Variants in PARP15 observed in about 807,000 individuals in gnomAD.
The protein encoded by PARP15 is poly(ADP-ribose) polymerase family member 15.
In PARP15, 50 loss-of-function variants were observed where a neutral mutation model predicts 62.1. The ratio of observed to expected loss-of-function variants is 0.81; its 90% CI spans 0.64 to 1.02. The LOEUF (loss-of-function observed/expected upper bound fraction) is 1.02. Among genes scored for constraint, PARP15 ranks in the 50% least tolerant of loss-of-function variants. The pLI, the probability that PARP15 is intolerant of heterozygous loss-of-function variation, is 0.00. For missense variants in PARP15, 820 were observed against 826.5 expected (o/e 0.99, Z 0.10); for synonymous variants, 309 against 293.1 (o/e 1.05, Z -0.55).
chr3:122,618,717 GTGAGATGAGGAGCTAGGC>G (rs1309741418), intron 6 of PARP15, among the ~76,000 whole-genome samples: 1 of 152,156 alleles, frequency 6.6e-6, no homozygotes, highest in African/African-American at 2.4e-5. Context: ...CCAGGCATAG[GTGAGATGAGGAGCTAGGC>G]TGAAAACTGT....
In PARP15 at chr3:122,615,861, T is replaced by A. The variant is rs758660167; in HGVS notation, c.850+4T>A. The A allele has an allele frequency of 6.2e-7, 1 of 1,609,338 alleles. No individual in the cohort carries two copies. Among genetic ancestry groups the A allele is most frequent in the South Asian group, 1.1e-5 (1 of 90,640 alleles). ...CCCATGGCAGGAGATACCCAAGGTC[T>A]GGTAAAGTCGTTCTGCTAAGGAAAT... On this transcript the variant is annotated splice_donor_region_variant and intron_variant, in intron 5 of 11. Transcript: ENST00000464300.
intron 1 of PARP15, among the ~76,000 whole-genome samples, chr3:122,599,893 G>A (rs916061772): frequency 2.0e-5 from 3 of 152,178 alleles, no homozygotes; most frequent in African/African-American, 7.2e-5. Flanking sequence ...CATTCAGAAA[G>A]TATCTATCTC....
intron 1 of PARP15, among the ~76,000 whole-genome samples, chr3:122,579,992 A>T (rs2080763936): frequency 3.8e-5 from 1 of 26,134 alleles, no homozygotes; most frequent in Non-Finnish European, 8.6e-5. Context: ...AACAACAGCA[A>T]CTATATGTAT....
At chr3:122,579,997 ATG>A (rs748862802) in intron 1 of PARP15, among the ~76,000 whole-genome samples, 3,807 of 54,368 alleles carry the variant, frequency 0.07, 135 homozygotes, top group Non-Finnish European at 0.1. Context: ...CAGCAACTAT[ATG>A]TATATATATA....
intron 1 of PARP15, among the ~76,000 whole-genome samples, chr3:122,598,857 C>T (rs977221462): frequency 1.3e-5 from 2 of 152,086 alleles, no homozygotes; most frequent in African/African-American, 4.8e-5. Flanking sequence ...AATATTAGAG[C>T]ACCACGGTCC....
At chr3:122,623,563 A>G (rs1936487387) in intron 8 of PARP15, among the ~76,000 whole-genome samples, 1 of 152,172 alleles carries the variant, frequency 6.6e-6, no homozygotes, top group Admixed American at 6.5e-5. Context: ...TCAGCAAAAG[A>G]ACCAACCAAT....
In PARP15 at chr3:122,613,264, G is replaced by A. The variant is rs1233133967; in HGVS notation, c.767G>A (p.Cys256Tyr). ...GTATATACAAATGACGATGAAGGCTGTCAGGTATGGTTACATATCCCATCT... is the reference window on the plus strand; with the variant it reads ...GTATATACAAATGACGATGAAGGCTATCAGGTATGGTTACATATCCCATCT... ...FLVYTNDDEG[C>Y]QAFLDEFTNW... is the part of the protein sequence containing the mutation. The change falls in exon 4 of 12, where the codon TGT becomes TAT. Residue 256 changes from cysteine to tyrosine, a missense_variant. Around this residue, in one of 3 missense-constraint regions of PARP15, gnomAD observed 731 missense variants for 727.7 expected, o/e 1.00. Coordinates refer to ENST00000464300, the MANE Select transcript of PARP15 (RefSeq NM_001113523.3). The A allele has an allele frequency of 1.3e-6, 2 of 1,539,436 alleles. No homozygotes were observed. Among genetic ancestry groups the A allele is most frequent in the African/African-American group, 1.4e-5 (1 of 72,848 alleles).
rs377394521 is a variant in PARP15, at chr3:122,584,573, C to CTTTTTTTTT, written c.186+6720_186+6721insTTTTTTTTT. Among the ~76,000 whole-genome samples the CTTTTTTTTT allele has an allele frequency of 4.3e-3, 594 of 136,718 alleles. 16 individuals are homozygous for CTTTTTTTTT. The highest frequency in any genetic ancestry group is 0.019 in the East Asian group (89 of 4,798). 89.7% of individuals were successfully genotyped at this position (136,718 alleles called of 152,430 possible). A position where few individuals can be genotyped will look rare whatever the true frequency, so the allele number is the denominator to read the frequency against. On this transcript the variant is annotated intron_variant, in intron 1 of 11. Coordinates refer to ENST00000464300, the MANE Select transcript of PARP15 (RefSeq NM_001113523.3). ...TAAGGAAATATTCATCCATTTCTTTCCTTTTTTTTTTTTTTCCGAGATGGA... is the reference window on the plus strand; with the variant it reads ...TAAGGAAATATTCATCCATTTCTTTCTTTTTTTTTCTTTTTTTTTTTTTTCCGAGATGGA...
chr3:122,603,717 G>A (rs777778072), intron 1 of PARP15, among the ~76,000 whole-genome samples: 15 of 152,190 alleles, frequency 9.9e-5, no homozygotes, highest in Non-Finnish European at 1.9e-4. Context: ...TATTCTCTGG[G>A]TGGGAGATCA....
At chr3:122,623,695 C>A (rs917674524) in intron 8 of PARP15, among the ~76,000 whole-genome samples, 1 of 152,192 alleles carries the variant, frequency 6.6e-6, no homozygotes, top group Non-Finnish European at 1.5e-5. Context: ...AAGGGAAGGA[C>A]CAGATCTTTA....
intron 8 of PARP15, among the ~76,000 whole-genome samples, chr3:122,623,815 G>A (rs1346901262): frequency 1.3e-5 from 2 of 152,198 alleles, no homozygotes; most frequent in African/African-American, 2.4e-5. Flanking sequence ...GCTCATGGAT[G>A]TTCTCTTCCC....
chr3:122,579,517 T>C (rs2080754529), intron 1 of PARP15, among the ~76,000 whole-genome samples: 1 of 152,164 alleles, frequency 6.6e-6, no homozygotes, highest in African/African-American at 2.4e-5. Context: ...TGGCAACCAC[T>C]AGGGTCATCT....
chr3:122,624,602 A>G (rs1361786957), intron 8 of PARP15, among the ~76,000 whole-genome samples: 2 of 152,338 alleles, frequency 1.3e-5, no homozygotes, highest in East Asian at 3.9e-4. Context: ...ACCTGGTTAT[A>G]TGACTTAGTA....
chr3:122,607,883 G>A (rs1030464183), intron 2 of PARP15, among the ~76,000 whole-genome samples: 2 of 151,954 alleles, frequency 1.3e-5, no homozygotes, highest in African/African-American at 2.4e-5. Flanking sequence ...TTGTCTACCC[G>A]TGTTTCGGTA....
intron 1 of PARP15, among the ~76,000 whole-genome samples, chr3:122,596,339 A>G (rs1412444336): frequency 7.7e-6 from 1 of 130,484 alleles, no homozygotes; most frequent in Non-Finnish European, 1.6e-5. Context: ...CTGGCAACAG[A>G]GCGAGACTCC....
intron 1 of PARP15, among the ~76,000 whole-genome samples, chr3:122,583,365 G>A (rs1413153613): frequency 6.6e-6 from 1 of 151,644 alleles, no homozygotes; most frequent in Non-Finnish European, 1.5e-5. Context: ...GACCTCAGGT[G>A]ATCCACCCAC....
intron 9 of PARP15, among the ~76,000 whole-genome samples, chr3:122,631,624 G>A (rs541393989): frequency 6.6e-6 from 1 of 152,156 alleles, no homozygotes; most frequent in African/African-American, 2.4e-5. Flanking sequence ...TTTACATGGT[G>A]CTTTCTCTAC....
rs941709037 is a variant in PARP15 at position 122,638,371 on chromosome 3, C to A, written c.*2271C>A. On this transcript the variant is annotated 3_prime_UTR_variant, in exon 12 of 12. Coordinates refer to ENST00000464300, the MANE Select transcript of PARP15 (RefSeq NM_001113523.3). ...CTAGTTCTAGATCCCCGAGGAATCG[C>A]CACACTGACTTCCACAATGGTTGAA... 1 of 152,088 alleles carries A rather than the reference C, an allele frequency of 6.6e-6. No individual in the cohort carries two copies. The highest frequency in any genetic ancestry group is 2.4e-5 in the African/African-American group (1 of 41,374). The allele number at this position is 152,088 out of a possible 1,614,324, so 9.4% of individuals were successfully genotyped here.
Position 122,605,931 on chromosome 3 carries a change from C to A in PARP15, c.187-5C>A. Reference sequence around the variant, plus strand: ...GCTGGTAATGCTTTACTGTTTTCTCCACAGTCCAGAGACAACAAGTTCAGC... The same window carrying A: ...GCTGGTAATGCTTTACTGTTTTCTCAACAGTCCAGAGACAACAAGTTCAGC... On this transcript the variant is annotated splice_region_variant and splice_polypyrimidine_tract_variant and intron_variant, in intron 1 of 11. Transcript: ENST00000464300. The A allele has an allele frequency of 6.4e-7, 1 of 1,550,680 alleles. No homozygotes were observed. The highest frequency in any genetic ancestry group is 8.7e-7 in the Non-Finnish European group (1 of 1,146,464).
Sources: gnomAD v4.1 joint callset for allele counts (sites outside exome capture counted in the v4.1 genomes callset) on GRCh38, gnomAD v4.1.1 for gene constraint, gnomAD v4.1.1 regional missense constraint, MANE v1.5 for transcripts, NCBI Gene and HGNC (gene_info 2026-07-23, HGNC 2026-07-21) for gene names.